Variants in TANGO6 observed in about 807,000 individuals in gnomAD.
The protein encoded by TANGO6 is transport and golgi organization 6 homolog, also known as transport and Golgi organization protein 6 homolog.
A neutral mutation model predicts 114.2 loss-of-function variants in TANGO6; 90 were observed. That is an observed-to-expected ratio of 0.79 (90% CI 0.66 to 0.94). The LOEUF is 0.94. TANGO6 is among the 40% of genes least tolerant of loss of function. TANGO6 has a pLI of 0.00. For synonymous variants in TANGO6, 477 were observed against 509.8 expected, an observed-to-expected ratio of 0.94 and a Z score of 0.87; for missense variants, 1,274 against 1,315.3, an observed-to-expected ratio of 0.97 and a Z score of 0.49.
chr16:69,069,720 G>A (rs1223758570), intron 17 of TANGO6, among the ~76,000 whole-genome samples: 1 of 152,012 alleles, frequency 6.6e-6, no homozygotes, highest in African/African-American at 2.4e-5. Context: ...AGGATTGTGT[G>A]GAATGTAGCC....
At chr16:68,960,236 C>T (rs182906496) in intron 14 of TANGO6, among the ~76,000 whole-genome samples, 133 of 151,006 alleles carry the variant, frequency 8.8e-4, no homozygotes, top group Non-Finnish European at 1.5e-3. Flanking sequence ...ACTTTCAATG[C>T]AGCAGTAATT....
chr16:68,908,326 C>A (rs1962879548), intron 10 of TANGO6, among the ~76,000 whole-genome samples: 1 of 152,132 alleles, frequency 6.6e-6, no homozygotes, highest in Non-Finnish European at 1.5e-5. Flanking sequence ...CATGTTCACA[C>A]CCGTCCCCGT....
chr16:68,866,977 T>TTA (rs1962188122), intron 3 of TANGO6, 102 bp from the exon 4 acceptor site: 1 of 158,278 alleles, frequency 6.3e-6, no homozygotes, highest in Non-Finnish European at 1.1e-5. Context: ...TATTTCTCCT[T>TTA]TTTTTTTTTT....
In TANGO6 at chr16:69,022,733, A is replaced by G. The variant is rs1218257145; in HGVS notation, c.2843-95A>G. 5 of 1,333,878 alleles carry G rather than the reference A, an allele frequency of 3.7e-6. No homozygotes were observed. In the East Asian group the frequency reaches 7.6e-5, roughly 20 times the overall value. The allele number at this position is 1,333,878 out of a possible 1,614,324, so 82.6% of individuals were successfully genotyped here. ...AAAAAATAAAAACAAAAAGAATAAG[A>G]CATCATGCAGTGAACTATGGAAATA... is the stretch of plus-strand genomic sequence containing the variant. On this transcript the variant is annotated intron_variant, in intron 15 of 17. Coordinates refer to ENST00000261778, the MANE Select transcript of TANGO6 (RefSeq NM_024562.2).
intron 15 of TANGO6, among the ~76,000 whole-genome samples, chr16:69,011,599 C>T (rs1964144153): frequency 6.6e-6 from 1 of 151,946 alleles, no homozygotes; most frequent in Non-Finnish European, 1.5e-5. Context: ...GGACTACAGG[C>T]ACATGCTACC....
At chr16:68,946,320 T>C (rs559771954) in intron 14 of TANGO6, among the ~76,000 whole-genome samples, 1 of 151,844 alleles carries the variant, frequency 6.6e-6, no homozygotes, top group Admixed American at 6.6e-5. Flanking sequence ...GCCTCCCGAG[T>C]AGCTGGGACT....
At chr16:68,986,367 T>C (rs891241104) in intron 15 of TANGO6, among the ~76,000 whole-genome samples, 3 of 152,096 alleles carry the variant, frequency 2.0e-5, no homozygotes, top group African/African-American at 7.2e-5. Flanking sequence ...GCAAAGCAGC[T>C]CCTCAGATTA....
At chr16:69,005,372 C>T (rs1964083131) in intron 15 of TANGO6, among the ~76,000 whole-genome samples, 1 of 152,184 alleles carries the variant, frequency 6.6e-6, no homozygotes, top group African/African-American at 2.4e-5. Context: ...AGTGGCCTTC[C>T]AGGTGTGCTC....
chr16:69,050,417 G>A (rs535069722), intron 17 of TANGO6, among the ~76,000 whole-genome samples: 72 of 151,970 alleles, frequency 4.7e-4, no homozygotes, highest in African/African-American at 1.7e-3. Context: ...TCATGGCTCG[G>A]TGCAGCCTCA....
At chr16:68,949,505 C>T (rs900417400) in intron 14 of TANGO6, among the ~76,000 whole-genome samples, 3 of 151,910 alleles carry the variant, frequency 2.0e-5, no homozygotes, top group Non-Finnish European at 2.9e-5. Context: ...CCTGTAATCC[C>T]AGCTACTTGG....
intron 17 of TANGO6, among the ~76,000 whole-genome samples, chr16:69,068,142 G>GA (rs543085286): frequency 4.7e-4 from 68 of 143,316 alleles, no homozygotes; most frequent in South Asian, 1.1e-3. Context: ...CTCTTGTCTT[G>GA]AAAAAAAAAA....
rs148778368 is a variant in TANGO6 at position 69,034,145 on chromosome 16, C to T, written c.2995-6163C>T. On this transcript the variant is annotated intron_variant, in intron 16 of 17. Transcript: ENST00000261778. ...GGCCAAGCTTTCCATTGTCCCTATGCGGAGAGGTTACTGGGGGAACAAGAT... is the reference window on the plus strand; with the variant it reads ...GGCCAAGCTTTCCATTGTCCCTATGTGGAGAGGTTACTGGGGGAACAAGAT... The T allele has an allele frequency of 3.2e-4, 50 of 154,122 alleles. 1 individual carries two copies. Among genetic ancestry groups the T allele is most frequent in the Middle Eastern group, 3.4e-3 (1 of 298 alleles). The allele number at this position is 154,122 out of a possible 1,614,324, so 9.5% of individuals were successfully genotyped here.
In TANGO6 at chr16:68,919,094, T is replaced by G. The variant is rs375495033; in HGVS notation, c.2002T>G (p.Phe668Val). The change falls in exon 12 of 18, where the codon TTT (phenylalanine) becomes GTT (valine). Residue 668 changes from phenylalanine (F) to valine (V), a missense_variant. Physicochemically the swap from Phe to Val is conservative, Grantham distance 50 (BLOSUM62 -1). Transcript: ENST00000261778. ...IFTNVTQVVD[F>V]VAATLQRACA... The stretch of plus-strand genomic sequence containing the variant: ...TCCCTTTTTTGGGTAGGTGGTGGAC[T>G]TTGTAGCAGCAACATTGCAGAGAGC... The G allele has an allele frequency of 6.2e-7, 1 of 1,612,694 alleles. No individual in the cohort carries two copies. The highest frequency in any genetic ancestry group is 8.5e-7 in the Non-Finnish European group (1 of 1,179,392).
At chr16:68,905,977 G>A (rs1186943452) in intron 9 of TANGO6, among the ~76,000 whole-genome samples, 1 of 152,022 alleles carries the variant, frequency 6.6e-6, no homozygotes, top group African/African-American at 2.4e-5. Context: ...TCAGAAGTTC[G>A]AGACCAGCCT....
intron 13 of TANGO6, among the ~76,000 whole-genome samples, chr16:68,928,466 G>A (rs572004428): frequency 4.0e-5 from 6 of 151,568 alleles, no homozygotes; most frequent in Admixed American, 2.0e-4. Flanking sequence ...CACCACCCCC[G>A]GCTAATTTTT....
chr16:68,951,922 C>T (rs1422118985), intron 14 of TANGO6, among the ~76,000 whole-genome samples: 2 of 152,118 alleles, frequency 1.3e-5, no homozygotes, highest in Admixed American at 6.6e-5. Flanking sequence ...AGCCTCTGCT[C>T]TTACGGATGG....
At chr16:69,042,540 CCTT>C (rs1005995204) in intron 17 of TANGO6, among the ~76,000 whole-genome samples, 2 of 152,058 alleles carry the variant, frequency 1.3e-5, no homozygotes, top group African/African-American at 4.8e-5. Flanking sequence ...GAGTGAGTCT[CCTT>C]CTCAAAAAAC....
intron 14 of TANGO6, among the ~76,000 whole-genome samples, chr16:68,966,004 G>A (rs1963641672): frequency 6.6e-6 from 1 of 151,964 alleles, no homozygotes; most frequent in Admixed American, 6.6e-5. Flanking sequence ...GGCTGGGGAG[G>A]GGGGATCACT....
intron 15 of TANGO6, among the ~76,000 whole-genome samples, chr16:69,018,788 G>A (rs888799976): frequency 2.0e-5 from 3 of 152,072 alleles, no homozygotes; most frequent in African/African-American, 7.2e-5. Context: ...TTAGCCGGGC[G>A]TGGTGGCGGG....
Sources: allele counts gnomAD v4.1 joint callset (sites outside exome capture counted in the v4.1 genomes callset), GRCh38; gene constraint gnomAD v4.1.1; transcripts MANE v1.5; gene names NCBI Gene and HGNC (gene_info 2026-07-23, HGNC 2026-07-21).